The following HLCS variants were observed in gnomAD, a reference collection of about 807,000 sequenced individuals.
HLCS encodes biotin--protein ligase.
Under a neutral mutation model 75.0 loss-of-function variants are expected in HLCS, and 53 were observed. That is an observed-to-expected ratio of 0.71 (90% CI 0.57 to 0.89). HLCS has a LOEUF of 0.89. Among genes scored for constraint, HLCS ranks in the 40% least tolerant of loss-of-function variants. The pLI is 0.00. For missense variants in HLCS, 966 were observed against 1,074.0 expected, an observed-to-expected ratio of 0.90 and a Z score of 1.41; for synonymous variants, 431 against 428.6, an observed-to-expected ratio of 1.01 and a Z score of -0.07.
chr21:36,762,098 C>T (rs1233042474), intron 8 of HLCS, among the ~76,000 whole-genome samples: 7 of 152,178 alleles, frequency 4.6e-5, no homozygotes, highest in African/African-American at 1.7e-4. Context: ...CTGCTGTGAT[C>T]CTCCCACATA....
intron 6 of HLCS, among the ~76,000 whole-genome samples, chr21:36,837,992 T>C (rs998496211): frequency 2.0e-5 from 3 of 152,230 alleles, no homozygotes; most frequent in African/African-American, 7.2e-5. Context: ...AGTTTTTCTT[T>C]CCTCTTTCTT....
chr21:36,922,621 G>A (rs2066221336), intron 5 of HLCS, among the ~76,000 whole-genome samples: 1 of 152,134 alleles, frequency 6.6e-6, no homozygotes. Flanking sequence ...ACTAACCTTG[G>A]CTGAGTCTTC....
At chr21:36,766,461 AT>A (rs201032441) in intron 7 of HLCS, among the ~76,000 whole-genome samples, 34 of 151,054 alleles carry the variant, frequency 2.3e-4, no homozygotes, top group Non-Finnish European at 3.3e-4. Flanking sequence ...TGACAAAAAC[AT>A]TTTTTTTTTC....
chr21:36,930,106 C>T (rs2066569999), intron 5 of HLCS, 145 bp downstream of exon 5: 3 of 757,524 alleles, frequency 4.0e-6, no homozygotes, highest in Admixed American at 4.0e-5. Context: ...AATATTTGCA[C>T]ATCTTGAAGA....
At chr21:36,754,978 G>C (rs1282658889) in intron 10 of HLCS, among the ~76,000 whole-genome samples, 1 of 152,146 alleles carries the variant, frequency 6.6e-6, no homozygotes, top group East Asian at 1.9e-4. Flanking sequence ...AAAGCTGAAA[G>C]AATAGTGCAA....
chr21:36,933,103 G>A (rs1164774202), intron 4 of HLCS, among the ~76,000 whole-genome samples: 1 of 151,906 alleles, frequency 6.6e-6, no homozygotes, highest in Non-Finnish European at 1.5e-5. Context: ...GGGTGACAGA[G>A]TGAGACTCCG....
chr21:36,962,737 G>A (rs992031120), intron 1 of HLCS, among the ~76,000 whole-genome samples: 2 of 141,716 alleles, frequency 1.4e-5, no homozygotes, highest in African/African-American at 5.1e-5. Context: ...AGGTTGCAGT[G>A]AGATGAGATC....
At chr21:36,933,046 A>C (rs147743993) in intron 4 of HLCS, among the ~76,000 whole-genome samples, 8,246 of 152,258 alleles carry the variant, frequency 0.054, 711 homozygotes, top group African/African-American at 0.19. Flanking sequence ...TGAACCTGGG[A>C]GGCAGAGGTT....
intron 2 of HLCS, chr21:36,947,670 G>T: frequency 1.0e-6 from 1 of 985,442 alleles, no homozygotes; most frequent in Middle Eastern, 5.2e-4. Flanking sequence ...TTGACTTGAT[G>T]TTACAATGTA....
rs116749080 is a variant in HLCS, at chr21:36,955,814, T to C, written c.330+6222A>G. Among the ~76,000 whole-genome samples, 909 of 152,320 alleles carry C rather than the reference T, an allele frequency of 6.0e-3. 8 individuals are homozygous for C. Among genetic ancestry groups the C allele is most frequent in the African/African-American group, 0.021 (860 of 41,552 alleles). On this transcript the variant is annotated intron_variant, in intron 2 of 10. Coordinates refer to ENST00000674895, the MANE Select transcript of HLCS (RefSeq NM_001352514.2). ...CTTTCAGTCCTGTAAGCTCCATTCATAGCAAGTGCCCTAGACAGGTGTACT... is the reference window on the plus strand; with the variant it reads ...CTTTCAGTCCTGTAAGCTCCATTCACAGCAAGTGCCCTAGACAGGTGTACT...
chr21:36,952,985 C>T (rs187900657), intron 2 of HLCS, among the ~76,000 whole-genome samples: 58 of 152,258 alleles, frequency 3.8e-4, no homozygotes, highest in African/African-American at 1.2e-3. Flanking sequence ...GACTGTCCAG[C>T]TAGGGAATGC....
intron 6 of HLCS, among the ~76,000 whole-genome samples, chr21:36,844,771 G>T (rs1434818707): frequency 2.6e-5 from 4 of 151,554 alleles, no homozygotes; most frequent in African/African-American, 9.7e-5. Context: ...ATAAAAGCAA[G>T]AATAAGGGTC....
Position 36,897,084 on chromosome 21 carries a change from G to T in HLCS, c.1668C>A (p.Ser556=), listed in dbSNP as rs771923409. 5 of 1,613,878 alleles carry T rather than the reference G, an allele frequency of 3.1e-6. No homozygotes were observed. The African/African-American group carries it at 6.7e-5, about 22-fold the overall frequency. Residue 556 remains serine, a synonymous_variant, in exon 6 of 11, where the codon TCC becomes TCA. Transcript: ENST00000674895. ...GCTGGCCGGATTTTATTTCTCCCTC[G>T]GAGTCCACATGTTTCCCAAGCCACT... ...LMQWLGKHVD[S]EGEIKSGQLS... is the part of the protein sequence containing the mutation.
chr21:36,916,278 A>T (rs1033311493), intron 5 of HLCS, among the ~76,000 whole-genome samples: 1 of 152,148 alleles, frequency 6.6e-6, no homozygotes, highest in Non-Finnish European at 1.5e-5. Flanking sequence ...GAGGGGTAGA[A>T]TCCCTTTGTT....
chr21:36,975,643 C>T (rs1264505197), intron 1 of HLCS, among the ~76,000 whole-genome samples: 2 of 152,116 alleles, frequency 1.3e-5, no homozygotes, highest in African/African-American at 4.8e-5. Flanking sequence ...CATGGTGGCA[C>T]GTGCCTATAG....
chr21:36,978,702 GGGTCGGGA>G (rs2069011906), intron 1 of HLCS, among the ~76,000 whole-genome samples: 2 of 152,156 alleles, frequency 1.3e-5, no homozygotes, highest in Admixed American at 1.3e-4. Flanking sequence ...CAGGACTGAA[GGGTCGGGA>G]GACCCTTAAA....
At chr21:36,905,687 T>G (rs1278654813) in intron 5 of HLCS, among the ~76,000 whole-genome samples, 2 of 151,464 alleles carry the variant, frequency 1.3e-5, no homozygotes, top group Non-Finnish European at 2.9e-5. Flanking sequence ...GACATGAAAA[T>G]CCAAAGGAAT....
rs1353234660 is a variant in HLCS, at chr21:36,751,302, CT to C, written c.*2943del. The C allele has an allele frequency of 6.6e-6, 1 of 152,644 alleles. No homozygotes were observed. The highest frequency in any genetic ancestry group is 1.5e-5 in the Non-Finnish European group (1 of 68,038). 9.5% of individuals were successfully genotyped at this position (152,644 alleles called of 1,614,324 possible). ...GAAGTTAAAATTGCAGAGGCTTACG[CT>C]TTCTTTTATTTCAAATATGCATAGT... is the stretch of plus-strand genomic sequence containing the variant. On this transcript the variant is annotated 3_prime_UTR_variant, in exon 11 of 11. Coordinates refer to ENST00000674895, the MANE Select transcript of HLCS (RefSeq NM_001352514.2).
At chr21:36,829,924 G>A (rs1391127108) in intron 6 of HLCS, among the ~76,000 whole-genome samples, 1 of 152,172 alleles carries the variant, frequency 6.6e-6, no homozygotes, top group East Asian at 1.9e-4. Flanking sequence ...CAGGGTTAGA[G>A]GCTGAACTGT....
Sources: allele counts gnomAD v4.1 joint callset (sites outside exome capture counted in the v4.1 genomes callset), GRCh38; gene constraint gnomAD v4.1.1; transcripts MANE v1.5; gene names NCBI Gene and HGNC (gene_info 2026-07-23, HGNC 2026-07-21).